HEPHL1: variants seen among roughly 807,000 people sequenced by gnomAD.
HEPHL1 encodes the protein hephaestin like 1.
A neutral mutation model predicts 122.0 loss-of-function variants in HEPHL1; 123 were observed. The ratio of observed to expected loss-of-function variants is 1.01; its 90% CI spans 0.87 to 1.17. The LOEUF (loss-of-function observed/expected upper bound fraction) is 1.17, where lower values mean the gene tolerates loss of function less well. Ranked by LOEUF, HEPHL1 falls within the 50% of genes most tolerant of loss-of-function variation. The pLI is 0.00. For synonymous variants in HEPHL1, 527 were observed against 508.9 expected, an observed-to-expected ratio of 1.04 and a Z score of -0.48; for missense variants, 1,452 against 1,430.5, an observed-to-expected ratio of 1.01 and a Z score of -0.24.
At chr11:94,070,670 G>A in intron 6 of HEPHL1, 128 bp downstream of exon 6, 1 of 727,400 alleles carries the variant, frequency 1.4e-6, no homozygotes. Context: ...GCATAATGTA[G>A]CTGCTTAAGG....
At chr11:94,082,792 A>G (rs1301162383) in intron 10 of HEPHL1, among the ~76,000 whole-genome samples, 1 of 152,156 alleles carries the variant, frequency 6.6e-6, no homozygotes, top group Admixed American at 6.6e-5. Context: ...CCTTAGATGA[A>G]GGAACACAAA....
intron 10 of HEPHL1, 111 bp from the exon 11 acceptor site, chr11:94,085,866 G>T: frequency 2.7e-6 from 2 of 744,426 alleles, no homozygotes; most frequent in Non-Finnish European, 4.6e-6. Context: ...CTTTTCCCTG[G>T]TACTGTTTAT....
intron 1 of HEPHL1, among the ~76,000 whole-genome samples, chr11:94,043,371 G>T (rs1018076171): frequency 2.0e-5 from 3 of 152,144 alleles, no homozygotes; most frequent in African/African-American, 7.2e-5. Flanking sequence ...GATTTTCTCA[G>T]ATTTAACCAA....
chr11:94,108,159 T>C (rs1946423203), intron 17 of HEPHL1, among the ~76,000 whole-genome samples: 1 of 152,162 alleles, frequency 6.6e-6, no homozygotes, highest in African/African-American at 2.4e-5. Context: ...TGGCTAATGA[T>C]ATTGAGCATC....
chr11:94,073,502 C>T, intron 8 of HEPHL1, 63 bp downstream of exon 8: 1 of 1,490,934 alleles, frequency 6.7e-7, no homozygotes, highest in Non-Finnish European at 9.1e-7. Flanking sequence ...TAGAAATAAA[C>T]AGTCCTGGTT....
intron 17 of HEPHL1, among the ~76,000 whole-genome samples, 162 bp downstream of exon 17, chr11:94,106,292 T>C (rs868113767): frequency 1.6e-5 from 2 of 124,466 alleles, no homozygotes; most frequent in South Asian, 5.0e-4. Context: ...ATATTTCTTT[T>C]CTTTTTTTTT....
intron 8 of HEPHL1, among the ~76,000 whole-genome samples, 188 bp downstream of exon 8, chr11:94,073,627 G>A (rs1421861098): frequency 6.6e-6 from 1 of 152,106 alleles, no homozygotes; most frequent in East Asian, 1.9e-4. Context: ...ACAGGGCTTT[G>A]GAAAGGGATG....
chr11:94,027,813 T>C (rs1181189346), intron 1 of HEPHL1, among the ~76,000 whole-genome samples: 2 of 152,172 alleles, frequency 1.3e-5, no homozygotes, highest in Non-Finnish European at 2.9e-5. Flanking sequence ...AAGACATAGG[T>C]GGTGCCAGGG....
At chr11:94,078,914 C>T (rs971282885) in intron 9 of HEPHL1, among the ~76,000 whole-genome samples, 1 of 152,038 alleles carries the variant, frequency 6.6e-6, no homozygotes, top group African/African-American at 2.4e-5. Context: ...ACACTGTGGC[C>T]CAGTTAAGTT....
intron 13 of HEPHL1, among the ~76,000 whole-genome samples, chr11:94,093,971 G>GATAGATAGATAGATATAT (rs71036310): frequency 1.4e-5 from 1 of 72,744 alleles, no homozygotes; most frequent in African/African-American, 4.9e-5. Flanking sequence ...TCCTCCAGCA[G>GATAGATAGATAGATATAT]ATATATATAT....
At chr11:94,028,715 C>T (rs1046507733) in intron 1 of HEPHL1, among the ~76,000 whole-genome samples, 2 of 152,154 alleles carry the variant, frequency 1.3e-5, no homozygotes, top group African/African-American at 4.8e-5. Flanking sequence ...GCCATGGCTA[C>T]GTGATAAACA....
At chr11:94,064,299 T>C in intron 3 of HEPHL1, 32 bp from the exon 4 acceptor site, 8 of 1,553,118 alleles carry the variant, frequency 5.2e-6, no homozygotes, top group Non-Finnish European at 7.0e-6. Flanking sequence ...GATTTAGTTC[T>C]TTCTCTCTAC....
At chr11:94,051,947 G>A (rs954217287) in intron 2 of HEPHL1, among the ~76,000 whole-genome samples, 1 of 152,024 alleles carries the variant, frequency 6.6e-6, no homozygotes, top group African/African-American at 2.4e-5. Flanking sequence ...TTAGTTCACT[G>A]TAGATGTATG....
chr11:94,077,789 C>T (rs904012338), intron 9 of HEPHL1, among the ~76,000 whole-genome samples: 1 of 152,334 alleles, frequency 6.6e-6, no homozygotes, highest in Middle Eastern at 3.4e-3. Flanking sequence ...ATGCTCCATC[C>T]ACATTCTGTT....
chr11:94,081,746 C>G (rs1946171880), intron 9 of HEPHL1, among the ~76,000 whole-genome samples: 1 of 152,042 alleles, frequency 6.6e-6, no homozygotes, highest in African/African-American at 2.4e-5. Flanking sequence ...GTGTTCCTAT[C>G]CTCATGAAAC....
intron 9 of HEPHL1, among the ~76,000 whole-genome samples, chr11:94,077,324 A>G (rs1946134277): frequency 6.6e-6 from 1 of 152,120 alleles, no homozygotes; most frequent in Non-Finnish European, 1.5e-5. Flanking sequence ...CTGATCTAGG[A>G]TCATGCATTG....
intron 9 of HEPHL1, among the ~76,000 whole-genome samples, chr11:94,081,964 C>G (rs530784627): frequency 6.6e-6 from 1 of 152,074 alleles, no homozygotes; most frequent in South Asian, 2.1e-4. Flanking sequence ...TTCTTCAATT[C>G]ATGTTCCACA....
In HEPHL1 at chr11:94,113,336, G is replaced by C. The variant is rs145645722; in HGVS notation, c.*1442G>C. On this transcript the variant is annotated 3_prime_UTR_variant, in exon 20 of 20. Coordinates refer to ENST00000315765, the MANE Select transcript of HEPHL1 (RefSeq NM_001098672.2). ...TTTGAATGTCAAAGTGAGTGACAAG[G>C]ACCTAAGAAATATTCTGGTGGAGGG... The C allele has an allele frequency of 6.6e-6, 1 of 152,200 alleles. No homozygotes were observed. Among genetic ancestry groups the C allele is most frequent in the Admixed American group, 6.5e-5 (1 of 15,276 alleles). 9.4% of individuals were successfully genotyped at this position (152,200 alleles called of 1,614,324 possible).
intron 1 of HEPHL1, among the ~76,000 whole-genome samples, chr11:94,033,053 T>C (rs1194422149): frequency 6.6e-6 from 1 of 152,150 alleles, no homozygotes; most frequent in Non-Finnish European, 1.5e-5. Context: ...CCCAGAAGTA[T>C]GCCAATGTAT....
Sources: gnomAD v4.1 joint callset for allele counts (sites outside exome capture counted in the v4.1 genomes callset) on GRCh38, gnomAD v4.1.1 for gene constraint, MANE v1.5 for transcripts, NCBI Gene and HGNC (gene_info 2026-07-23, HGNC 2026-07-21) for gene names.